Variants in EPDR1 observed in about 807,000 individuals in gnomAD.
EPDR1 encodes ependymin related 1.
EPDR1 carries 27 observed loss-of-function variants against 23.7 expected under a neutral mutation model. That is an observed-to-expected ratio of 1.14 (90% CI 0.84 to 1.57). EPDR1 has a LOEUF of 1.57. EPDR1 is among the 40% of genes most tolerant of loss of function. The pLI, the probability that EPDR1 is intolerant of heterozygous loss-of-function variation, is 0.00. For synonymous variants in EPDR1, 137 were observed against 118.2 expected (o/e 1.16, Z -1.03); for missense variants, 349 against 290.4 (o/e 1.20, Z -1.47).
At chr7:37,940,107 G>A (rs560153349) in intron 1 of EPDR1, among the ~76,000 whole-genome samples, 1 of 152,294 alleles carries the variant, frequency 6.6e-6, no homozygotes, top group South Asian at 2.1e-4. Context: ...TGAAAAAATA[G>A]GGATAGTCTG....
intron 1 of EPDR1, chr7:37,921,450 A>T: frequency 3.6e-6 from 5 of 1,382,344 alleles, no homozygotes; most frequent in Non-Finnish European, 4.7e-6. Context: ...AGGCGGTGGC[A>T]GGTAAAGAAG....
chr7:37,922,672 G>GT (rs1554372872), intron 1 of EPDR1, among the ~76,000 whole-genome samples: 1 of 151,104 alleles, frequency 6.6e-6, no homozygotes, highest in African/African-American at 2.4e-5. Flanking sequence ...AGCTAGGGGG[G>GT]GGTTCTGACG....
At chr7:37,929,341 A>C (rs183586959) in intron 1 of EPDR1, among the ~76,000 whole-genome samples, 1 of 152,294 alleles carries the variant, frequency 6.6e-6, no homozygotes, top group African/African-American at 2.4e-5. Context: ...CTGTGTCTCT[A>C]ACTCCTCAGA....
intron 1 of EPDR1, among the ~76,000 whole-genome samples, chr7:37,937,505 GA>G (rs1237282072): frequency 2.0e-5 from 3 of 152,078 alleles, no homozygotes; most frequent in African/African-American, 7.2e-5. Flanking sequence ...ATAGAGAAGA[GA>G]AAAAAATTCT....
At chr7:37,936,202 T>G (rs967429828) in intron 1 of EPDR1, among the ~76,000 whole-genome samples, 3 of 151,318 alleles carry the variant, frequency 2.0e-5, no homozygotes, top group African/African-American at 7.3e-5. Context: ...AATGCAAAGA[T>G]GGTTCAATTT....
At chr7:37,939,540 A>G (rs1391831511) in intron 1 of EPDR1, among the ~76,000 whole-genome samples, 2 of 152,100 alleles carry the variant, frequency 1.3e-5, no homozygotes, top group South Asian at 2.1e-4. Context: ...TAGGAGCTCT[A>G]CCCAAACTGA....
Position 37,920,735 on chromosome 7 carries a change from TC to T in EPDR1, c.-201del. 1 of 1,608,830 alleles carries T rather than the reference TC, an allele frequency of 6.2e-7. No homozygotes were observed. The highest frequency in any genetic ancestry group is 8.5e-7 in the Non-Finnish European group (1 of 1,177,242). Reference sequence around the variant, plus strand: ...GCTCCCGCGCGATTCACTGGAGCCTTCCCCGGGCCCTGGTCCCGGCTACCGG... The same window carrying T: ...GCTCCCGCGCGATTCACTGGAGCCTTCCCGGGCCCTGGTCCCGGCTACCGG... On this transcript the variant is annotated 5_prime_UTR_variant, in exon 1 of 3. Coordinates refer to ENST00000199448, the MANE Select transcript of EPDR1 (RefSeq NM_017549.5).
chr7:37,934,443 CTT>C (rs201896724), intron 1 of EPDR1, among the ~76,000 whole-genome samples: 81 of 148,936 alleles, frequency 5.4e-4, no homozygotes, highest in African/African-American at 1.9e-3. Context: ...GGACTCTCCT[CTT>C]TTTTTTTTTC....
In EPDR1 at chr7:37,921,137, GCT is replaced by G; in HGVS notation, c.202_203del (p.Ser68LeufsTer25). On this transcript the variant is annotated frameshift_variant, in exon 1 of 3. Transcript: ENST00000199448. LOFTEE classifies it high-confidence loss of function. ...QSSGRNSRAL[L>X]SYDGLNQRVR... is the part of the protein sequence containing the mutation. Reference sequence around the variant, plus strand: ...GTAGCGGGCGCAACAGCCGCGCCCTGCTCTCCTACGACGGGCTCAACCAGCGC... The same window carrying G: ...GTAGCGGGCGCAACAGCCGCGCCCTGCTCCTACGACGGGCTCAACCAGCGC... 1 of 1,596,478 alleles carries G rather than the reference GCT, an allele frequency of 6.3e-7. No homozygotes were observed. The highest frequency in any genetic ancestry group is 8.5e-7 in the Non-Finnish European group (1 of 1,178,880).
chr7:37,928,069 G>C (rs1054924798), intron 1 of EPDR1, among the ~76,000 whole-genome samples: 1 of 152,142 alleles, frequency 6.6e-6, no homozygotes, highest in Non-Finnish European at 1.5e-5. Flanking sequence ...GGAGAAGCAG[G>C]CACTGGGGAA....
chr7:37,944,595 AAG>A lies in EPDR1; in HGVS notation c.270-4238_270-4237del, dbSNP rs371865349. Reference sequence around the variant, plus strand: ...AGGGACTTCTTACGTGGTGGCAGGCAAGAGAGAGCTTATGCAGGGGAATTCCC... The same window carrying A: ...AGGGACTTCTTACGTGGTGGCAGGCAAGAGAGCTTATGCAGGGGAATTCCC... On this transcript the variant is annotated intron_variant, in intron 1 of 2. Coordinates refer to ENST00000199448, the MANE Select transcript of EPDR1 (RefSeq NM_017549.5). 1.6e-4 allele frequency among the ~76,000 whole-genome samples: 24 copies of A among 152,324 alleles called. No homozygotes were observed. In the East Asian group the frequency reaches 4.4e-3, roughly 28 times the overall value.
intron 1 of EPDR1, among the ~76,000 whole-genome samples, chr7:37,945,562 C>A (rs1398501107): frequency 6.6e-6 from 1 of 152,158 alleles, no homozygotes; most frequent in African/African-American, 2.4e-5. Context: ...TACAATGGAG[C>A]TGAAAAACTT....
intron 1 of EPDR1, among the ~76,000 whole-genome samples, chr7:37,927,155 G>A (rs767841198): frequency 9.9e-5 from 15 of 152,190 alleles, no homozygotes; most frequent in Non-Finnish European, 2.1e-4. Flanking sequence ...TAGAACCTGT[G>A]CTCTGGTCAT....
intron 1 of EPDR1, among the ~76,000 whole-genome samples, chr7:37,922,830 G>C (rs1785737006): frequency 6.6e-6 from 1 of 152,188 alleles, no homozygotes; most frequent in Non-Finnish European, 1.5e-5. Context: ...TTTCCATACA[G>C]TGGGATGAGG....
intron 2 of EPDR1, among the ~76,000 whole-genome samples, chr7:37,949,855 T>G (rs1786359881): frequency 1.3e-5 from 2 of 152,172 alleles, no homozygotes; most frequent in African/African-American, 4.8e-5. Context: ...AGAGAAACAA[T>G]GCAGGCAGAA....
intron 1 of EPDR1, among the ~76,000 whole-genome samples, chr7:37,925,780 A>G (rs1483184832): frequency 1.3e-5 from 2 of 152,248 alleles, no homozygotes; most frequent in African/African-American, 2.4e-5. Flanking sequence ...GTTAAATGCT[A>G]GGTACAGATA....
At chr7:37,948,553 G>T (rs973666002) in intron 1 of EPDR1, among the ~76,000 whole-genome samples, 2 of 151,828 alleles carry the variant, frequency 1.3e-5, no homozygotes, top group African/African-American at 4.8e-5. Context: ...TCACTATGTT[G>T]CCCAGGCCGG....
chr7:37,923,443 A>T (rs1381853278), intron 1 of EPDR1, among the ~76,000 whole-genome samples: 1 of 152,172 alleles, frequency 6.6e-6, no homozygotes, highest in Non-Finnish European at 1.5e-5. Flanking sequence ...AATGGTACTG[A>T]TGGCATAGGG....
intron 1 of EPDR1, among the ~76,000 whole-genome samples, chr7:37,945,867 G>A (rs1475660708): frequency 1.3e-5 from 2 of 152,140 alleles, no homozygotes; most frequent in Admixed American, 6.5e-5. Context: ...TCTTACTGAT[G>A]CTCCCCCTCC....
Sources: allele counts gnomAD v4.1 joint callset (sites outside exome capture counted in the v4.1 genomes callset), GRCh38; gene constraint gnomAD v4.1.1; transcripts MANE v1.5; gene names NCBI Gene and HGNC (gene_info 2026-07-23, HGNC 2026-07-21).